CFAP45: variants seen among roughly 807,000 people sequenced by gnomAD.
CFAP45 encodes the protein cilia- and flagella-associated protein 45.
In CFAP45, 43 loss-of-function variants were observed where a neutral mutation model predicts 75.6. That is an observed-to-expected ratio of 0.57 (90% CI 0.45 to 0.73). The LOEUF is 0.73. CFAP45 is among the 30% of genes least tolerant of loss of function. The probability of loss-of-function intolerance (pLI) is 0.00; values close to 1 mark genes in which losing one functional copy is unlikely to be tolerated. For synonymous variants in CFAP45, 223 were observed against 244.6 expected (o/e 0.91, Z 0.82); for missense variants, 689 against 701.5 (o/e 0.98, Z 0.20).
At chr1:159,888,872 T>C (rs568259470) in intron 3 of CFAP45, among the ~76,000 whole-genome samples, 6 of 151,368 alleles carry the variant, frequency 4.0e-5, no homozygotes, top group South Asian at 2.1e-4. Context: ...TCACAGCCAA[T>C]TGGGCAGCTC....
At chr1:159,887,771 T>G in intron 5 of CFAP45, 70 bp downstream of exon 5, 1 of 1,427,178 alleles carries the variant, frequency 7.0e-7, no homozygotes, top group South Asian at 1.3e-5. Context: ...CCTTGTCCAG[T>G]GCGGGAATAA....
intron 10 of CFAP45, among the ~76,000 whole-genome samples, chr1:159,875,344 A>C (rs535428956): frequency 3.8e-4 from 58 of 152,284 alleles, no homozygotes; most frequent in African/African-American, 1.4e-3. Flanking sequence ...GCATTTAGGA[A>C]GCTACTTTCT....
At chr1:159,882,999 A>G (rs1649584909) in intron 7 of CFAP45, among the ~76,000 whole-genome samples, 1 of 152,150 alleles carries the variant, frequency 6.6e-6, no homozygotes, top group African/African-American at 2.4e-5. Context: ...GCACTTCTCT[A>G]GCAGCTCCTC....
chr1:159,886,114 G>A (rs528217325), intron 6 of CFAP45, among the ~76,000 whole-genome samples: 10 of 152,188 alleles, frequency 6.6e-5, no homozygotes, highest in East Asian at 3.9e-4. Context: ...GGCTGAGGCC[G>A]GGGGATCACT....
At chr1:159,890,757 C>CTTTTTTTTTT (rs965390100) in intron 2 of CFAP45, 135 bp from the exon 3 acceptor site, 7 of 319,384 alleles carry the variant, frequency 2.2e-5, no homozygotes, top group East Asian at 7.1e-5. Context: ...CTTTTCTTTT[C>CTTTTTTTTTT]TTTTTTTTTT....
chr1:159,872,565 T>G lies in CFAP45; in HGVS notation c.1578-2A>C. On this transcript the variant is annotated splice_acceptor_variant, in intron 11 of 11. Coordinates refer to ENST00000368099, the MANE Select transcript of CFAP45 (RefSeq NM_012337.3). LOFTEE classifies it high-confidence loss of function. ...TACTTCTCGGGAAGGCCAGTGGCTCTGCCGGGGAAACGCAGGCAGGTATAA... is the reference window on the plus strand; with the variant it reads ...TACTTCTCGGGAAGGCCAGTGGCTCGGCCGGGGAAACGCAGGCAGGTATAA... 6.2e-7 allele frequency: 1 copy of G among 1,613,936 alleles called. No individual in the cohort carries two copies. The highest frequency in any genetic ancestry group is 8.5e-7 in the Non-Finnish European group (1 of 1,179,802).
At chr1:159,878,609 T>C (rs1309484483) in intron 8 of CFAP45, among the ~76,000 whole-genome samples, 3 of 151,060 alleles carry the variant, frequency 2.0e-5, no homozygotes, top group African/African-American at 7.3e-5. Context: ...AAAAATTAGC[T>C]GAGCATGGTG....
intron 1 of CFAP45, among the ~76,000 whole-genome samples, chr1:159,896,974 A>G (rs1649965165): frequency 6.6e-6 from 1 of 152,338 alleles, no homozygotes; most frequent in Admixed American, 6.5e-5. Context: ...ACTGTAAGAA[A>G]CGCATAAGGC....
intron 1 of CFAP45, among the ~76,000 whole-genome samples, chr1:159,898,664 T>C (rs1350838483): frequency 1.3e-5 from 2 of 152,154 alleles, no homozygotes; most frequent in Non-Finnish European, 2.9e-5. Flanking sequence ...TTATGCCCTA[T>C]GAGAGCTTGG....
At chr1:159,872,718 G>T (rs1476766173) in intron 11 of CFAP45, among the ~76,000 whole-genome samples, 155 bp from the exon 12 acceptor site, 1 of 152,270 alleles carries the variant, frequency 6.6e-6, no homozygotes, top group Non-Finnish European at 1.5e-5. Context: ...TCATGCCAAG[G>T]CTCCAGCATC....
At position 159,876,452 on chromosome 1, in the gene CFAP45, C is replaced by G. The variant is rs777441356; in HGVS notation, c.1352+104G>C. On this transcript the variant is annotated intron_variant, in intron 10 of 11. Transcript: ENST00000368099. ...ATGATCCCACCAACCCAGACAAGATCGACGAGCATCTGTTAACATGCCAGA... is the reference window on the plus strand; with the variant it reads ...ATGATCCCACCAACCCAGACAAGATGGACGAGCATCTGTTAACATGCCAGA... 9 of 823,124 alleles carry G rather than the reference C, an allele frequency of 1.1e-5. No homozygotes were observed. The South Asian group carries it at 1.4e-4, about 13-fold the overall frequency. The allele number at this position is 823,124 out of a possible 1,614,324, so 51.0% of individuals were successfully genotyped here.
intron 1 of CFAP45, among the ~76,000 whole-genome samples, chr1:159,896,648 C>T (rs541938518): frequency 6.6e-6 from 1 of 152,278 alleles, no homozygotes; most frequent in East Asian, 1.9e-4. Flanking sequence ...TAAGGAGAAG[C>T]ACATCCAGTC....
At chr1:159,872,890 C>T in intron 11 of CFAP45, 54 bp downstream of exon 11, 1 of 1,532,396 alleles carries the variant, frequency 6.5e-7, no homozygotes, top group Admixed American at 1.7e-5. Context: ...GCCTGTGGTG[C>T]CATCTCTTTG....
intron 2 of CFAP45, among the ~76,000 whole-genome samples, chr1:159,892,089 C>G (rs1649842106): frequency 6.7e-6 from 1 of 150,108 alleles, no homozygotes; most frequent in African/African-American, 2.5e-5. Context: ...GAGTTCAAGA[C>G]CAGCATGGGG....
At chr1:159,895,595 G>C (rs1356570882) in intron 1 of CFAP45, among the ~76,000 whole-genome samples, 2 of 152,160 alleles carry the variant, frequency 1.3e-5, no homozygotes, top group African/African-American at 4.8e-5. Context: ...GCTTACACAG[G>C]GAGTCTCCCT....
intron 10 of CFAP45, among the ~76,000 whole-genome samples, chr1:159,874,133 C>T (rs1361317702): frequency 3.3e-5 from 5 of 152,104 alleles, no homozygotes; most frequent in African/African-American, 7.2e-5. Flanking sequence ...GAAATGCATT[C>T]GCATCTCAGA....
chr1:159,884,763 TC>T (rs1372956569), intron 6 of CFAP45, among the ~76,000 whole-genome samples, 198 bp from the exon 7 acceptor site: 2 of 152,142 alleles, frequency 1.3e-5, no homozygotes, highest in Non-Finnish European at 2.9e-5. Context: ...GCCTCCTTTC[TC>T]CTGAGCTCCT....
At chr1:159,873,310 A>C in intron 10 of CFAP45, 142 bp from the exon 11 acceptor site, 1 of 668,172 alleles carries the variant, frequency 1.5e-6, no homozygotes, top group South Asian at 1.9e-5. Flanking sequence ...CCCATTTTGT[A>C]ACTCAAGGAT....
chr1:159,892,278 A>T (rs1649847004), intron 2 of CFAP45, among the ~76,000 whole-genome samples: 1 of 152,168 alleles, frequency 6.6e-6, no homozygotes, highest in Admixed American at 6.5e-5. Flanking sequence ...GGGTGACAGG[A>T]GTGAAACCCT....
Sources: gnomAD v4.1 joint callset for allele counts (sites outside exome capture counted in the v4.1 genomes callset) on GRCh38, gnomAD v4.1.1 for gene constraint, MANE v1.5 for transcripts, NCBI Gene and HGNC (gene_info 2026-07-23, HGNC 2026-07-21) for gene names.